GABRB1: variants seen among roughly 807,000 people sequenced by gnomAD.
The protein encoded by GABRB1 is gamma-aminobutyric acid type A receptor subunit beta1.
GABRB1 carries 17 observed loss-of-function variants against 51.6 expected under a neutral mutation model. The observed-to-expected ratio is 0.33, with a 90% CI of 0.23 to 0.49. The LOEUF (loss-of-function observed/expected upper bound fraction) is 0.49, where lower values mean the gene tolerates loss of function less well. Among genes scored for constraint, GABRB1 ranks in the 20% least tolerant of loss-of-function variants. The pLI, the probability that GABRB1 is intolerant of heterozygous loss-of-function variation, is 0.99. For missense variants in GABRB1, 410 were observed against 600.6 expected, an observed-to-expected ratio of 0.68 and a Z score of 3.32; for synonymous variants, 247 against 218.9, an observed-to-expected ratio of 1.13 and a Z score of -1.14.
At chr4:47,038,380 G>A (rs1250370037) in intron 3 of GABRB1, among the ~76,000 whole-genome samples, 1 of 152,142 alleles carries the variant, frequency 6.6e-6, no homozygotes, top group Non-Finnish European at 1.5e-5. Context: ...AAATGAAACT[G>A]GCCTAATGCC....
intron 3 of GABRB1, among the ~76,000 whole-genome samples, chr4:47,124,326 C>A (rs959977910): frequency 8.5e-5 from 13 of 152,098 alleles, no homozygotes; most frequent in African/African-American, 3.1e-4. Context: ...TGCTCAACTG[C>A]AATCCTGGAG....
chr4:47,125,996 C>T (rs1202059391), intron 3 of GABRB1, among the ~76,000 whole-genome samples: 1 of 150,548 alleles, frequency 6.6e-6, no homozygotes, highest in Non-Finnish European at 1.5e-5. Context: ...CCTAATATTG[C>T]ATTGTGTCTA....
intron 4 of GABRB1, among the ~76,000 whole-genome samples, chr4:47,273,912 AT>A (rs576890821): frequency 0.015 from 2,243 of 146,638 alleles, 50 homozygotes; most frequent in African/African-American, 0.054. Flanking sequence ...TTGAAGGTAG[AT>A]TTTTTTCTCT....
At chr4:47,060,848 C>A (rs960160705) in intron 3 of GABRB1, among the ~76,000 whole-genome samples, 1 of 152,138 alleles carries the variant, frequency 6.6e-6, no homozygotes, top group African/African-American at 2.4e-5. Context: ...TTCTTCATTT[C>A]TTCATTACAT....
intron 5 of GABRB1, among the ~76,000 whole-genome samples, chr4:47,369,619 T>A (rs1727117179): frequency 6.6e-6 from 1 of 152,228 alleles, no homozygotes; most frequent in South Asian, 2.1e-4. Flanking sequence ...ATTGCTCAAC[T>A]TAATTGTATG....
At chr4:47,312,575 C>A (rs572386774) in intron 4 of GABRB1, among the ~76,000 whole-genome samples, 46 of 152,284 alleles carry the variant, frequency 3.0e-4, no homozygotes, top group African/African-American at 7.9e-4. Flanking sequence ...ATACTGATAT[C>A]AATCTTGTAA....
intron 4 of GABRB1, among the ~76,000 whole-genome samples, chr4:47,198,446 A>T (rs951971880): frequency 4.6e-5 from 7 of 152,194 alleles, no homozygotes; most frequent in Non-Finnish European, 7.3e-5. Flanking sequence ...AGAAATACAG[A>T]TGTTACAGAC....
intron 4 of GABRB1, among the ~76,000 whole-genome samples, chr4:47,178,427 G>A (rs1718793980): frequency 6.6e-6 from 1 of 151,994 alleles, no homozygotes; most frequent in African/African-American, 2.4e-5. Context: ...ATCTCTCCAG[G>A]TTTGTTCAAA....
chr4:47,005,668 T>C (rs1435915281), intron 1 of GABRB1, among the ~76,000 whole-genome samples: 1 of 148,648 alleles, frequency 6.7e-6, no homozygotes, highest in Non-Finnish European at 1.5e-5. Context: ...ATCCAAGGAC[T>C]AAAAATGTCC....
intron 8 of GABRB1, among the ~76,000 whole-genome samples, chr4:47,416,458 T>G (rs544794779): frequency 8.9e-4 from 136 of 151,980 alleles, no homozygotes; most frequent in African/African-American, 3.1e-3. Flanking sequence ...TTTTACTTTT[T>G]TTTTTTTTTT....
intron 4 of GABRB1, among the ~76,000 whole-genome samples, chr4:47,311,533 G>A (rs1258825168): frequency 1.3e-5 from 2 of 152,012 alleles, no homozygotes; most frequent in African/African-American, 4.8e-5. Flanking sequence ...GAAGATGGAG[G>A]AAGGGTCCAT....
chr4:47,266,376 T>C (rs1042295473), intron 4 of GABRB1, among the ~76,000 whole-genome samples: 14 of 152,204 alleles, frequency 9.2e-5, no homozygotes, highest in African/African-American at 3.1e-4. Flanking sequence ...AGCTTTGTTC[T>C]TTTTGCTTAG....
chr4:47,085,923 A>G (rs1178926400), intron 3 of GABRB1, among the ~76,000 whole-genome samples: 4 of 152,244 alleles, frequency 2.6e-5, no homozygotes, highest in Non-Finnish European at 5.9e-5. Context: ...GCCTAGGTGG[A>G]ATTTACAGTC....
At chr4:47,190,453 C>A (rs1719395140) in intron 4 of GABRB1, among the ~76,000 whole-genome samples, 1 of 152,090 alleles carries the variant, frequency 6.6e-6, no homozygotes, top group Non-Finnish European at 1.5e-5. Flanking sequence ...CGGCTTTATG[C>A]ACATTATTTT....
Position 47,203,590 on chromosome 4 carries a change from C to T in GABRB1, c.461+42121C>T, listed in dbSNP as rs557528389. 7.2e-5 allele frequency among the ~76,000 whole-genome samples: 11 copies of T among 152,234 alleles called. No individual in the cohort carries two copies. In the South Asian group the frequency reaches 2.3e-3, roughly 32 times the overall value. ...ATAGAAATACCTCTTTCTGCTGTTA[C>T]AACCATCACTCCACTCCTTCCTTTC... On this transcript the variant is annotated intron_variant, in intron 4 of 8. Transcript: ENST00000295454.
intron 5 of GABRB1, among the ~76,000 whole-genome samples, chr4:47,374,527 A>G: frequency 6.6e-6 from 1 of 152,238 alleles, no homozygotes; most frequent in Non-Finnish European, 1.5e-5. Context: ...CCAAAGGAGT[A>G]GAGTAGCGAG....
chr4:47,153,552 G>C (rs1405858082), intron 3 of GABRB1, among the ~76,000 whole-genome samples: 15 of 152,012 alleles, frequency 9.9e-5, no homozygotes, highest in Admixed American at 9.9e-4. Flanking sequence ...CTAAAACTCT[G>C]TGCTATATTA....
intron 4 of GABRB1, among the ~76,000 whole-genome samples, chr4:47,247,032 G>T (rs1289488799): frequency 1.3e-5 from 2 of 151,944 alleles, no homozygotes; most frequent in Non-Finnish European, 2.9e-5. Context: ...GTTTAATTAA[G>T]TCCCAACCAT....
At chr4:47,328,932 A>T (rs1725358129) in intron 5 of GABRB1, among the ~76,000 whole-genome samples, 1 of 150,970 alleles carries the variant, frequency 6.6e-6, no homozygotes, top group African/African-American at 2.4e-5. Flanking sequence ...AAAAAAAAAG[A>T]AATATCTGTC....
Sources: gnomAD v4.1 joint callset for allele counts (sites outside exome capture counted in the v4.1 genomes callset) on GRCh38, gnomAD v4.1.1 for gene constraint, MANE v1.5 for transcripts, NCBI Gene and HGNC (gene_info 2026-07-23, HGNC 2026-07-21) for gene names.